SPICE1: variants seen among roughly 807,000 people sequenced by gnomAD.
The protein encoded by SPICE1 is spindle and centriole associated protein 1, also known as spindle and centriole-associated protein 1.
A neutral mutation model predicts 102.7 loss-of-function variants in SPICE1; 75 were observed. That is an observed-to-expected ratio of 0.73 (90% CI 0.61 to 0.88). The LOEUF is 0.88. SPICE1 is among the 40% of genes least tolerant of loss of function. SPICE1 has a pLI of 0.00. For missense variants in SPICE1, 979 were observed against 1,020.1 expected (o/e 0.96, Z 0.55); for synonymous variants, 308 against 350.3 (o/e 0.88, Z 1.35).
intron 7 of SPICE1, among the ~76,000 whole-genome samples, chr3:113,474,739 A>G (rs1057254970): frequency 1.3e-5 from 2 of 152,192 alleles, no homozygotes. Flanking sequence ...TTTGAAACCA[A>G]CGAGAACAAA....
intron 7 of SPICE1, 55 bp downstream of exon 7, chr3:113,488,890 A>C (rs990145329): frequency 9.8e-6 from 10 of 1,023,778 alleles, no homozygotes; most frequent in African/African-American, 9.6e-5. Context: ...GCAAACATTG[A>C]AATGGCCATG....
intron 10 of SPICE1, among the ~76,000 whole-genome samples, 191 bp downstream of exon 10, chr3:113,467,948 G>A (rs769858670): frequency 1.3e-5 from 2 of 152,150 alleles, no homozygotes; most frequent in African/African-American, 4.8e-5. Context: ...ACTTATCTGA[G>A]CATGTATCAA....
intron 7 of SPICE1, among the ~76,000 whole-genome samples, chr3:113,476,973 G>A (rs1168718582): frequency 1.3e-5 from 2 of 152,112 alleles, no homozygotes; most frequent in African/African-American, 4.8e-5. Flanking sequence ...ACAGCAAAAG[G>A]AACTACCATC....
intron 12 of SPICE1, among the ~76,000 whole-genome samples, chr3:113,458,160 GCTCCCTCTCCCGT>G (rs61293415): frequency 0.012 from 1,815 of 146,518 alleles, 48 homozygotes; most frequent in African/African-American, 0.042. Context: ...AATAATTCTG[GCTCCCTCTCCCGT>G]CTCCCTCTCC....
chr3:113,484,548 A>C (rs1936598179), intron 7 of SPICE1, among the ~76,000 whole-genome samples: 1 of 152,112 alleles, frequency 6.6e-6, no homozygotes, highest in African/African-American at 2.4e-5. Context: ...CACTGCTTTA[A>C]ATGTGTCCCA....
intron 5 of SPICE1, 121 bp downstream of exon 5, chr3:113,493,928 C>T (rs1936817271): frequency 9.7e-6 from 6 of 621,462 alleles, no homozygotes; most frequent in Non-Finnish European, 1.6e-5. Context: ...CTTGTAAATC[C>T]ACCCTACAAT....
At chr3:113,471,230 T>C (rs531476255) in intron 7 of SPICE1, among the ~76,000 whole-genome samples, 1 of 152,308 alleles carries the variant, frequency 6.6e-6, no homozygotes, top group Admixed American at 6.5e-5. Context: ...GGGAAGCCTC[T>C]TCAGATACAA....
At chr3:113,464,636 T>C (rs1936009823) in intron 11 of SPICE1, among the ~76,000 whole-genome samples, 1 of 152,196 alleles carries the variant, frequency 6.6e-6, no homozygotes, top group African/African-American at 2.4e-5. Flanking sequence ...AACTATTACT[T>C]GTCTAGTCTC....
intron 7 of SPICE1, among the ~76,000 whole-genome samples, chr3:113,479,486 T>C (rs1257168247): frequency 1.3e-5 from 2 of 152,076 alleles, no homozygotes; most frequent in African/African-American, 2.4e-5. Flanking sequence ...TCTGGGTATA[T>C]ACCCAGTAAT....
intron 4 of SPICE1, among the ~76,000 whole-genome samples, chr3:113,494,676 G>C (rs1936842289): frequency 1.3e-5 from 2 of 150,872 alleles, no homozygotes; most frequent in African/African-American, 4.9e-5. Flanking sequence ...ATTCACAATT[G>C]TGACCCACCA....
At chr3:113,464,176 T>A (rs753124436) in intron 11 of SPICE1, among the ~76,000 whole-genome samples, 30 of 151,944 alleles carry the variant, frequency 2.0e-4, no homozygotes, top group Non-Finnish European at 4.3e-4. Context: ...AAACACTGAT[T>A]TGTACATTTT....
At chr3:113,486,424 G>A (rs1258842206) in intron 7 of SPICE1, among the ~76,000 whole-genome samples, 1 of 150,104 alleles carries the variant, frequency 6.7e-6, no homozygotes, top group African/African-American at 2.4e-5. Flanking sequence ...CTGGTTTTTT[G>A]AAAAGATCAA....
At chr3:113,460,337 T>C (rs560793558) in intron 12 of SPICE1, 30 of 912,024 alleles carry the variant, frequency 3.3e-5, no homozygotes, top group Non-Finnish European at 3.7e-5. Flanking sequence ...TCTCAGCCTG[T>C]TTCCTCTAAG....
rs542882728 is a variant in SPICE1 at position 113,509,953 on chromosome 3, A to G, written c.1-3348T>C. Reference sequence around the variant, plus strand: ...ACCTGCTTCTGTTTGGCCTTCTGCCATAATTGTAAGTTTCCTGAGGCCTGC... The same window carrying G: ...ACCTGCTTCTGTTTGGCCTTCTGCCGTAATTGTAAGTTTCCTGAGGCCTGC... On this transcript the variant is annotated intron_variant, in intron 1 of 17. Transcript: ENST00000295872. Among the ~76,000 whole-genome samples, 35 of 152,354 alleles carry G rather than the reference A, an allele frequency of 2.3e-4. 2 individuals are homozygous for G. The South Asian group carries it at 7.2e-3, about 32-fold the overall frequency.
chr3:113,467,366 A>G (rs1046228278), intron 10 of SPICE1, among the ~76,000 whole-genome samples: 1 of 152,092 alleles, frequency 6.6e-6, no homozygotes, highest in African/African-American at 2.4e-5. Context: ...ATCTCGGCTC[A>G]CTGCAACCTC....
chr3:113,451,093 G>C (rs998273043), intron 14 of SPICE1, among the ~76,000 whole-genome samples: 1 of 152,158 alleles, frequency 6.6e-6, no homozygotes, highest in African/African-American at 2.4e-5. Context: ...TACAAAAGAG[G>C]ATCTGCTATC....
chr3:113,489,068 C>T lies in SPICE1; in HGVS notation c.493-5G>A, dbSNP rs1219263760. ...ACCATCTACATCATTAAGAGCCTGT[C>T]TCAACACAACAATAAAAATAGCACA... On this transcript the variant is annotated splice_polypyrimidine_tract_variant and splice_region_variant and intron_variant, in intron 6 of 17. Coordinates refer to ENST00000295872, the MANE Select transcript of SPICE1 (RefSeq NM_144718.4). 3 of 1,534,768 alleles carry T rather than the reference C, an allele frequency of 2.0e-6. No homozygotes were observed. Among genetic ancestry groups the T allele is most frequent in the Non-Finnish European group, 2.7e-6 (3 of 1,108,992 alleles).
intron 12 of SPICE1, chr3:113,459,920 G>A: frequency 1.3e-5 from 13 of 983,978 alleles, no homozygotes; most frequent in African/African-American, 1.8e-5. Context: ...GACTCCACCA[G>A]AAGACAGAGA....
At chr3:113,492,514 A>G (rs1232825861) in intron 6 of SPICE1, among the ~76,000 whole-genome samples, 5 of 152,188 alleles carry the variant, frequency 3.3e-5, no homozygotes, top group Admixed American at 3.3e-4. Context: ...TTAATGTTTT[A>G]CTACTGTAAT....
Sources: gnomAD v4.1 joint callset for allele counts (sites outside exome capture counted in the v4.1 genomes callset) on GRCh38, gnomAD v4.1.1 for gene constraint, MANE v1.5 for transcripts, NCBI Gene and HGNC (gene_info 2026-07-23, HGNC 2026-07-21) for gene names.